The following DAG1 variants were observed in gnomAD, a reference collection of about 807,000 sequenced individuals.
The protein encoded by DAG1 is dystroglycan 1 (dystrophin-associated glycoprotein 1).
Under a neutral mutation model 46.1 loss-of-function variants are expected in DAG1, and 8 were observed. That is an observed-to-expected ratio of 0.17 (90% CI 0.10 to 0.31). The LOEUF is 0.31. Among genes scored for constraint, DAG1 ranks in the 10% least tolerant of loss-of-function variants. The pLI is 1.00. For missense variants in DAG1, 1,003 were observed against 1,189.9 expected (o/e 0.84, Z 2.31); for synonymous variants, 495 against 481.8 (o/e 1.03, Z -0.36).
chr3:49,504,973 T>TC lies in DAG1; in HGVS notation c.-116-5446_-116-5445insC, dbSNP rs1400092311. On this transcript the variant is annotated intron_variant, in intron 1 of 2. Transcript: ENST00000308775. Reference sequence around the variant, plus strand: ...CCCTCCACCATTACAGTCTTCTTCTTTTTTTTTTTTTTTAATTTTAAAATT... The same window carrying TC: ...CCCTCCACCATTACAGTCTTCTTCTTCTTTTTTTTTTTTTAATTTTAAAATT... Among the ~76,000 whole-genome samples the TC allele has an allele frequency of 1.3e-3, 173 of 135,212 alleles. 2 individuals are homozygous for TC. Among genetic ancestry groups the TC allele is most frequent in the Middle Eastern group, 3.8e-3 (1 of 264 alleles). The allele number at this position is 135,212 out of a possible 152,430, so 88.7% of individuals were successfully genotyped here.
chr3:49,473,004 G>T (rs1217578630), intron 1 of DAG1, among the ~76,000 whole-genome samples: 1 of 140,474 alleles, frequency 7.1e-6, no homozygotes. Flanking sequence ...GCCTTTAATC[G>T]CAGCTACTCG....
At chr3:49,477,704 A>G (rs1423307251) in intron 1 of DAG1, among the ~76,000 whole-genome samples, 2 of 151,894 alleles carry the variant, frequency 1.3e-5, no homozygotes, top group Non-Finnish European at 2.9e-5. Flanking sequence ...GCTCACACCT[A>G]TAATCCCAGC....
intron 2 of DAG1, among the ~76,000 whole-genome samples, chr3:49,520,354 C>G (rs1258931320): frequency 1.3e-5 from 2 of 152,220 alleles, no homozygotes; most frequent in Non-Finnish European, 2.9e-5. Context: ...TCCTGCTTCC[C>G]TGAGCAGAGG....
chr3:49,490,091 C>A (rs533824413), intron 1 of DAG1, among the ~76,000 whole-genome samples: 3 of 152,136 alleles, frequency 2.0e-5, no homozygotes, highest in African/African-American at 7.2e-5. Flanking sequence ...CGGTGGCTTA[C>A]GCCTGTAATC....
rs759411064 is a variant in DAG1, at chr3:49,530,915, C to G, written c.404C>G (p.Ala135Gly). The G allele has an allele frequency of 6.2e-7, 1 of 1,614,114 alleles. No homozygotes were observed. Among genetic ancestry groups the G allele is most frequent in the Admixed American group, 1.7e-5 (1 of 59,998 alleles). ...GGTGTGCATTACATTTCAGTGAGCG[C>G]TACACGGCTGGGGGCCAACGGGAGC... ...DKGVHYISVS[A>G]TRLGANGSHI... Residue 135 changes from alanine (A) to glycine (G), a missense_variant, in exon 3 of 3, where the codon GCT becomes GGT. Coordinates refer to ENST00000308775, the MANE Select transcript of DAG1 (RefSeq NM_004393.6).
chr3:49,512,885 G>T (rs988623193), intron 2 of DAG1, among the ~76,000 whole-genome samples: 1 of 151,968 alleles, frequency 6.6e-6, no homozygotes, highest in Non-Finnish European at 1.5e-5. Context: ...CAAACTTCTG[G>T]TTCCTGCCCT....
intron 2 of DAG1, among the ~76,000 whole-genome samples, chr3:49,526,544 A>T (rs1029038130): frequency 6.6e-6 from 1 of 152,054 alleles, no homozygotes; most frequent in Admixed American, 6.6e-5. Context: ...TCCCATCTCT[A>T]AAAAAAGAAA....
intron 1 of DAG1, among the ~76,000 whole-genome samples, chr3:49,497,162 C>T (rs927824888): frequency 1.2e-4 from 18 of 151,516 alleles, no homozygotes; most frequent in African/African-American, 4.1e-4. Context: ...AATGGCCGAG[C>T]ATGATGGTTC....
At chr3:49,504,565 G>T (rs1477951059) in intron 1 of DAG1, among the ~76,000 whole-genome samples, 1 of 104,138 alleles carries the variant, frequency 9.6e-6, no homozygotes, top group Non-Finnish European at 1.9e-5. Flanking sequence ...CACCAATACA[G>T]TCTTTTTTTT....
At chr3:49,499,528 C>T (rs527258718) in intron 1 of DAG1, among the ~76,000 whole-genome samples, 1 of 152,328 alleles carries the variant, frequency 6.6e-6, no homozygotes. Context: ...TGCATTTGTT[C>T]TTCACATCTG....
Position 49,470,320 on chromosome 3 carries a change from G to A in DAG1, c.-230G>A, listed in dbSNP as rs971950352. On this transcript the variant is annotated 5_prime_UTR_variant, in exon 1 of 3. Transcript: ENST00000308775. Reference sequence around the variant, plus strand: ...TGCGGCGCGGCGCTCGCGCCTCTTAGGCTTGGCGGTGGCGGCGGCGGCAGC... The same window carrying A: ...TGCGGCGCGGCGCTCGCGCCTCTTAAGCTTGGCGGTGGCGGCGGCGGCAGC... 1.3e-5 allele frequency: 2 copies of A among 152,716 alleles called. No homozygotes were observed. Among genetic ancestry groups the A allele is most frequent in the African/African-American group, 4.8e-5 (2 of 41,554 alleles). 9.5% of individuals were successfully genotyped at this position (152,716 alleles called of 1,614,324 possible). A position where few individuals can be genotyped will look rare whatever the true frequency, so the allele number is the denominator to read the frequency against.
intron 1 of DAG1, among the ~76,000 whole-genome samples, chr3:49,506,835 A>G (rs1023529721): frequency 6.6e-6 from 1 of 152,088 alleles, no homozygotes; most frequent in East Asian, 1.9e-4. Flanking sequence ...ATTGGAGCCA[A>G]GTATGGTGGC....
intron 2 of DAG1, among the ~76,000 whole-genome samples, chr3:49,519,433 C>T (rs1052294350): frequency 7.9e-5 from 12 of 152,118 alleles, no homozygotes; most frequent in South Asian, 2.1e-4. Flanking sequence ...GCTGCTGGCA[C>T]GGGCCCCCAA....
At position 49,526,525 on chromosome 3, in the gene DAG1, A is replaced by G. The variant is rs145697810; in HGVS notation, c.286-4272A>G. 2.7e-3 allele frequency among the ~76,000 whole-genome samples: 417 copies of G among 152,214 alleles called. 3 individuals are homozygous for G. Among genetic ancestry groups the G allele is most frequent in the African/African-American group, 9.3e-3 (387 of 41,538 alleles). ...GGAGTTTGAGACCAGCCTGGGCAAC[A>G]TGGCGAAATCCCATCTCTAAAAAAA... On this transcript the variant is annotated intron_variant, in intron 2 of 2. Coordinates refer to ENST00000308775, the MANE Select transcript of DAG1 (RefSeq NM_004393.6).
chr3:49,491,719 G>A (rs1229678776), intron 1 of DAG1, among the ~76,000 whole-genome samples: 7 of 151,880 alleles, frequency 4.6e-5, no homozygotes, highest in African/African-American at 1.7e-4. Context: ...CTCGTGATCC[G>A]CCCGCGTCGG....
chr3:49,469,305 G>A (rs997941781), upstream of DAG1, among the ~76,000 whole-genome samples: 9 of 152,218 alleles, frequency 5.9e-5, no homozygotes, highest in Admixed American at 2.0e-4. Context: ...GGGATGAGAA[G>A]CAGAGCCCAC....
chr3:49,496,079 A>G (rs1431830416), intron 1 of DAG1, among the ~76,000 whole-genome samples: 2 of 152,222 alleles, frequency 1.3e-5, no homozygotes, highest in Non-Finnish European at 2.9e-5. Flanking sequence ...TCACGGGGAT[A>G]TGCCCCTAAA....
chr3:49,488,855 T>C (rs909064818), intron 1 of DAG1: 2 of 152,086 alleles, frequency 1.3e-5, no homozygotes, highest in Non-Finnish European at 1.5e-5. Flanking sequence ...GCTTGCCAGG[T>C]GTGAGCCACT....
chr3:49,512,559 T>C (rs962028036), intron 2 of DAG1, among the ~76,000 whole-genome samples: 1 of 151,746 alleles, frequency 6.6e-6, no homozygotes, highest in Non-Finnish European at 1.5e-5. Context: ...GCCCGGCTAA[T>C]TTTTGTATTT....
Sources: gnomAD v4.1 joint callset for allele counts (sites outside exome capture counted in the v4.1 genomes callset) on GRCh38, gnomAD v4.1.1 for gene constraint, MANE v1.5 for transcripts, NCBI Gene and HGNC (gene_info 2026-07-23, HGNC 2026-07-21) for gene names.